The following CROT variants were observed in gnomAD, a reference collection of about 807,000 sequenced individuals.
CROT encodes carnitine O-octanoyltransferase.
In CROT, 84 loss-of-function variants were observed where a neutral mutation model predicts 89.2. The ratio of observed to expected loss-of-function variants is 0.94; its 90% confidence interval spans 0.79 to 1.13. CROT has a LOEUF of 1.13. Ranked by LOEUF, CROT falls within the 50% of genes most tolerant of loss-of-function variation. The pLI, the probability that CROT is intolerant of heterozygous loss-of-function variation, is 0.00. For synonymous variants in CROT, 212 were observed against 239.5 expected, an observed-to-expected ratio of 0.89 and a Z score of 1.06; for missense variants, 711 against 727.8, an observed-to-expected ratio of 0.98 and a Z score of 0.27.
At chr7:87,381,870 G>T in intron 10 of CROT, 40 bp from the exon 11 acceptor site, 1 of 1,383,872 alleles carries the variant, frequency 7.2e-7, no homozygotes, top group South Asian at 1.3e-5. Flanking sequence ...GTTTTAAGTT[G>T]ACATAAAGTA....
intron 6 of CROT, among the ~76,000 whole-genome samples, chr7:87,365,179 GA>G (rs1041263142): frequency 3.9e-5 from 6 of 152,124 alleles, no homozygotes; most frequent in African/African-American, 1.4e-4. Context: ...TGGGGCCATT[GA>G]ATCTATCATG....
intron 14 of CROT, among the ~76,000 whole-genome samples, chr7:87,391,935 C>A (rs1319412407): frequency 7.9e-5 from 12 of 152,156 alleles, no homozygotes; most frequent in Admixed American, 7.9e-4. Context: ...ATTTTCTAGG[C>A]AAAGGGTCTT....
intron 3 of CROT, among the ~76,000 whole-genome samples, chr7:87,350,044 C>A (rs1268053639): frequency 6.6e-6 from 1 of 151,988 alleles, no homozygotes; most frequent in Non-Finnish European, 1.5e-5. Context: ...ATCTTGCAAC[C>A]CTATACAATA....
chr7:87,369,442 T>G lies in CROT; in HGVS notation c.614T>G (p.Val205Gly), dbSNP rs1406444255. 8 of 1,613,296 alleles carry G rather than the reference T, an allele frequency of 5.0e-6. No individual in the cohort carries two copies. The highest frequency in any genetic ancestry group is 1.7e-5 in the Admixed American group (1 of 59,890). ...LCRGRAFVFD[V>G]IHEGCLVTPP... ...CGAGGCCGAGCTTTTGTCTTTGATG[T>G]AATACATGAAGGATGTTTGGTCACC... The change falls in exon 7 of 18, where the codon GTA (valine) becomes GGA (glycine). Residue 205 changes from valine (V) to glycine (G), a missense_variant. Coordinates refer to ENST00000331536, the MANE Select transcript of CROT (RefSeq NM_021151.4).
At chr7:87,355,661 C>G (rs946869162) in intron 3 of CROT, among the ~76,000 whole-genome samples, 1 of 152,002 alleles carries the variant, frequency 6.6e-6, no homozygotes, top group Non-Finnish European at 1.5e-5. Context: ...GTGTCACTAG[C>G]GAGACACAGA....
intron 7 of CROT, among the ~76,000 whole-genome samples, chr7:87,374,292 C>T (rs750751310): frequency 6.6e-6 from 1 of 151,950 alleles, no homozygotes; most frequent in Non-Finnish European, 1.5e-5. Context: ...GTTATGTGAC[C>T]TTTTATTATC....
At chr7:87,369,288 A>G in intron 6 of CROT, 88 bp from the exon 7 acceptor site, 2 of 752,120 alleles carry the variant, frequency 2.7e-6, no homozygotes, top group South Asian at 3.9e-5. Context: ...TACTGGAAGA[A>G]TGCCTACTTT....
rs1036933907 is a variant in CROT at position 87,366,380 on chromosome 7, A to G, written c.548-2996A>G. Among the ~76,000 whole-genome samples the G allele has an allele frequency of 2.6e-5, 4 of 151,882 alleles. No homozygotes were observed. In the South Asian group the frequency reaches 8.3e-4, roughly 31 times the overall value. ...GGGGAAAAAAAAATGCCTTCAGGTTATATCACCACTACATTGTTGCAGTGA... is the reference window on the plus strand; with the variant it reads ...GGGGAAAAAAAAATGCCTTCAGGTTGTATCACCACTACATTGTTGCAGTGA... On this transcript the variant is annotated intron_variant, in intron 6 of 17. Coordinates refer to ENST00000331536, the MANE Select transcript of CROT (RefSeq NM_021151.4).
At chr7:87,361,356 A>G (rs1158768131) in intron 4 of CROT, 34 bp from the exon 5 acceptor site, 1 of 1,585,360 alleles carries the variant, frequency 6.3e-7, no homozygotes. Flanking sequence ...TGTATTATGA[A>G]GAACATTAAG....
At chr7:87,395,000 C>T (rs1245410895) in intron 17 of CROT, among the ~76,000 whole-genome samples, 1 of 151,448 alleles carries the variant, frequency 6.6e-6, no homozygotes, top group Non-Finnish European at 1.5e-5. Flanking sequence ...AAAAAAAATG[C>T]CACAAAGGAC....
intron 3 of CROT, among the ~76,000 whole-genome samples, chr7:87,350,274 A>C (rs2115788431): frequency 6.6e-6 from 1 of 152,266 alleles, no homozygotes; most frequent in African/African-American, 2.4e-5. Context: ...AGTTTTGTTC[A>C]AGACACAAGT....
chr7:87,390,305 C>T (rs1417792055), intron 13 of CROT, among the ~76,000 whole-genome samples: 2 of 152,010 alleles, frequency 1.3e-5, no homozygotes, highest in Admixed American at 6.6e-5. Context: ...AAGTTTACTC[C>T]CTGAATTTTT....
intron 3 of CROT, 72 bp from the exon 4 acceptor site, chr7:87,359,134 T>A: frequency 1.0e-6 from 1 of 997,664 alleles, no homozygotes; most frequent in East Asian, 2.4e-5. Flanking sequence ...AAGATTTGCA[T>A]AAGTTAGTAA....
intron 10 of CROT, among the ~76,000 whole-genome samples, chr7:87,378,945 C>T (rs1474503527): frequency 3.3e-5 from 5 of 152,140 alleles, no homozygotes; most frequent in Non-Finnish European, 5.9e-5. Flanking sequence ...TGAAAAGTTG[C>T]CACAAGTCAT....
At chr7:87,392,357 T>C (rs574986027) in intron 14 of CROT, among the ~76,000 whole-genome samples, 9 of 152,268 alleles carry the variant, frequency 5.9e-5, no homozygotes, top group African/African-American at 2.2e-4. Flanking sequence ...TAGTTTCCTA[T>C]TCCAGGAAAG....
At chr7:87,360,180 A>G in intron 4 of CROT, 1 of 771,844 alleles carries the variant, frequency 1.3e-6, no homozygotes, top group Middle Eastern at 6.6e-4. Context: ...TATAGTTTAT[A>G]ACATCACTTT....
intron 17 of CROT, among the ~76,000 whole-genome samples, chr7:87,396,215 G>A (rs1367262889): frequency 6.6e-6 from 1 of 152,138 alleles, no homozygotes; most frequent in Non-Finnish European, 1.5e-5. Flanking sequence ...GATTGCTTGA[G>A]GCCAGGAGTT....
chr7:87,395,952 A>G (rs1044272042), intron 17 of CROT, among the ~76,000 whole-genome samples: 3 of 152,198 alleles, frequency 2.0e-5, no homozygotes, highest in Non-Finnish European at 4.4e-5. Flanking sequence ...TACACCATTG[A>G]AGATGCCATT....
intron 14 of CROT, 54 bp from the exon 15 acceptor site, chr7:87,392,512 C>G: frequency 7.2e-7 from 1 of 1,389,188 alleles, no homozygotes; most frequent in Non-Finnish European, 1.0e-6. Context: ...GGATTTTTTT[C>G]TAGTTGGGTT....
Sources: allele counts gnomAD v4.1 joint callset (sites outside exome capture counted in the v4.1 genomes callset), GRCh38; gene constraint gnomAD v4.1.1; transcripts MANE v1.5; gene names NCBI Gene and HGNC (gene_info 2026-07-23, HGNC 2026-07-21).